The following PINK1 variants were observed in gnomAD, a reference collection of about 807,000 sequenced individuals.
PINK1 encodes serine/threonine-protein kinase PINK1, mitochondrial.
A neutral mutation model predicts 56.0 loss-of-function variants in PINK1; 58 were observed. That is an observed-to-expected ratio of 1.04 (90% confidence interval 0.84 to 1.29). The LOEUF (loss-of-function observed/expected upper bound fraction) is 1.29, where lower values mean the gene tolerates loss of function less well. Ranked by LOEUF, PINK1 falls within the 50% of genes most tolerant of loss-of-function variation. PINK1 has a pLI of 0.00. For synonymous variants in PINK1, 354 were observed against 339.3 expected (o/e 1.04, Z -0.48); for missense variants, 745 against 777.9 (o/e 0.96, Z 0.50).
Position 20,650,643 on chromosome 1 carries a change from G to A in PINK1, c.1698G>A (p.Thr566=), listed in dbSNP as rs777232150. 9.9e-6 allele frequency: 16 copies of A among 1,614,160 alleles called. No individual in the cohort carries two copies. The highest frequency in any genetic ancestry group is 1.7e-5 in the Admixed American group (1 of 60,010). The stretch of plus-strand genomic sequence containing the variant: ...TTCTGGCTAACCTGGAGTGTGAAAC[G>A]CTCTGCCAGGCAGCCCTCCTCCTCT... ...MLFLANLECE[T]LCQAALLLCS... The change falls in exon 8 of 8, where the codon ACG becomes ACA. Residue 566 remains threonine, a synonymous_variant. Coordinates refer to ENST00000321556, the MANE Select transcript of PINK1 (RefSeq NM_032409.3).
chr1:20,650,694 T>G lies in PINK1; in HGVS notation c.*3T>G. On this transcript the variant is annotated 3_prime_UTR_variant, in exon 8 of 8. Transcript: ENST00000321556. The stretch of plus-strand genomic sequence containing the variant: ...GCTCATGGAGGGCAGCCCTGTGATG[T>G]CCCTGCATGGAGCTGGTGAATTACT... 1.2e-6 allele frequency: 2 copies of G among 1,613,252 alleles called. No individual in the cohort carries two copies. Among genetic ancestry groups the G allele is most frequent in the Non-Finnish European group, 1.7e-6 (2 of 1,179,974 alleles).
At chr1:20,634,813 A>G (rs963986835) in intron 1 of PINK1, among the ~76,000 whole-genome samples, 2 of 152,130 alleles carry the variant, frequency 1.3e-5, no homozygotes, top group Admixed American at 6.5e-5. Context: ...AAATTAGCAT[A>G]GCCCCTGCAT....
chr1:20,633,553 C>A lies in PINK1; in HGVS notation c.5C>A (p.Ala2Glu). 2.4e-5 allele frequency: 28 copies of A among 1,175,198 alleles called. No homozygotes were observed. The highest frequency in any genetic ancestry group is 2.8e-5 in the Non-Finnish European group (27 of 951,678). 72.8% of individuals were successfully genotyped at this position (1,175,198 alleles called of 1,614,324 possible). Residue 2 changes from alanine to glutamate, a missense_variant, in exon 1 of 8, where the codon GCG becomes GAG. Ala to Glu is a moderately radical substitution (Grantham distance 107, BLOSUM62 -1). Coordinates refer to ENST00000321556, the MANE Select transcript of PINK1 (RefSeq NM_032409.3). ...GCACCGGGCCGCGGCGCCACCATGG[C>A]GGTGCGACAGGCGCTGGGCCGCGGC... is the stretch of plus-strand genomic sequence containing the variant. M[A>E]VRQALGRGLQ... is the part of the protein sequence containing the mutation.
intron 4 of PINK1, 78 bp downstream of exon 4, chr1:20,644,750 C>A (rs367882094): frequency 6.5e-7 from 1 of 1,547,384 alleles, no homozygotes; most frequent in East Asian, 2.3e-5. Context: ...CCATGTGCAC[C>A]TTGATCAGGG....
chr1:20,648,337 C>A, intron 5 of PINK1, 168 bp from the exon 6 acceptor site: 1 of 935,652 alleles, frequency 1.1e-6, no homozygotes, highest in Non-Finnish European at 1.7e-6. Context: ...CGTGTTCGCA[C>A]AGCAGGCCCT....
Position 20,651,379 on chromosome 1 carries a change from T to TGAGA in PINK1, c.*689_*692dup, listed in dbSNP as rs2053275581. The TGAGA allele has an allele frequency of 6.5e-6, 1 of 153,078 alleles. No homozygotes were observed. The highest frequency in any genetic ancestry group is 6.5e-5 in the Admixed American group (1 of 15,394). 9.5% of individuals were successfully genotyped at this position (153,078 alleles called of 1,614,324 possible). A position where few individuals can be genotyped will look rare whatever the true frequency, so the allele number is the denominator to read the frequency against. On this transcript the variant is annotated 3_prime_UTR_variant, in exon 8 of 8. Transcript: ENST00000321556. ...AAGAATGATTCTTATACTCTGAAGGTGAGAATATTTTGTGGGCAGGTATCA... is the reference window on the plus strand; with the variant it reads ...AAGAATGATTCTTATACTCTGAAGGTGAGAGAGAATATTTTGTGGGCAGGTATCA...
At chr1:20,644,762 G>A (rs531719864) in intron 4 of PINK1, 90 bp downstream of exon 4, 2 of 1,502,518 alleles carry the variant, frequency 1.3e-6, no homozygotes, top group East Asian at 2.3e-5. Context: ...TGATCAGGGG[G>A]TTTTGGAGAA....
intron 3 of PINK1, among the ~76,000 whole-genome samples, chr1:20,643,904 G>T (rs1374547803): frequency 1.3e-5 from 2 of 152,074 alleles, no homozygotes; most frequent in African/African-American, 4.8e-5. Flanking sequence ...TATATACTGT[G>T]TTTTTTCCTA....
Position 20,638,020 on chromosome 1 carries a change from G to C in PINK1, c.566G>C (p.Gly189Ala). Residue 189 changes from glycine (G) to alanine (A), a missense_variant, in exon 2 of 8, where the codon GGG becomes GCG. Physicochemically the swap from Gly to Ala is moderately conservative, Grantham distance 60. Transcript: ENST00000321556. Reference protein sequence around the residue: ...PQNLEVTKSTGLLPGRGPGTS... With the variant: ...PQNLEVTKSTALLPGRGPGTS... ...AACCTGGAGGTGACAAAGAGCACCG[G>C]GTTGCTTCCAGGGAGAGGCCCAGGT... is the stretch of plus-strand genomic sequence containing the variant. The C allele has an allele frequency of 6.2e-7, 1 of 1,614,140 alleles. No individual in the cohort carries two copies.
chr1:20,643,353 G>A (rs566950342), intron 3 of PINK1, among the ~76,000 whole-genome samples: 4 of 152,342 alleles, frequency 2.6e-5, no homozygotes, highest in African/African-American at 4.8e-5. Context: ...GTCGGGGGGC[G>A]CTCCCCACAG....
At chr1:20,635,893 A>G (rs117184978) in intron 1 of PINK1, among the ~76,000 whole-genome samples, 2,670 of 152,192 alleles carry the variant, frequency 0.018, 76 homozygotes, top group African/African-American at 0.05. Context: ...GAAGCCAGGC[A>G]TGGTGACTCA....
intron 1 of PINK1, among the ~76,000 whole-genome samples, chr1:20,636,287 TTA>T (rs966084471): frequency 2.6e-5 from 4 of 150,980 alleles, no homozygotes; most frequent in African/African-American, 9.7e-5. Context: ...ATAGTATATT[TTA>T]TATATATACA....
chr1:20,646,875 C>T (rs12754803), intron 5 of PINK1, among the ~76,000 whole-genome samples: 2,841 of 140,156 alleles, frequency 0.02, 81 homozygotes, highest in African/African-American at 0.056. Context: ...TATTTATTTA[C>T]TTATTTATTT....
intron 4 of PINK1, 88 bp downstream of exon 4, chr1:20,644,760 G>C (rs374057536): frequency 2.0e-6 from 3 of 1,507,952 alleles, no homozygotes; most frequent in Middle Eastern, 2.1e-4. Context: ...CTTGATCAGG[G>C]GGTTTTGGAG....
rs74315358 is a variant in PINK1, at chr1:20,644,549, G to A, written c.836G>A (p.Arg279His). ...CACCCCAACATCATCCGGGTTCTCC[G>A]CGCCTTCACCTCTTCCGTGCCGCTG... The part of the protein sequence containing the change: ...APHPNIIRVL[R>H]AFTSSVPLLP... Residue 279 changes from arginine to histidine, a missense_variant, in exon 4 of 8, where the codon CGC becomes CAC. By Grantham distance (29) the Arg-to-His change is conservative. Transcript: ENST00000321556. The A allele has an allele frequency of 1.1e-4, 175 of 1,614,078 alleles. No homozygotes were observed. The highest frequency in any genetic ancestry group is 1.6e-4 in the Middle Eastern group (1 of 6,084).
intron 7 of PINK1, 147 bp from the exon 8 acceptor site, chr1:20,650,286 TC>T (rs2053249458): frequency 1.0e-5 from 11 of 1,061,984 alleles, no homozygotes; most frequent in African/African-American, 1.6e-5. Flanking sequence ...GCAGTATTTG[TC>T]ACCTGAGTGA....
intron 7 of PINK1, 197 bp downstream of exon 7, chr1:20,649,428 A>T (rs1165608808): frequency 1.6e-6 from 1 of 608,446 alleles, no homozygotes; most frequent in East Asian, 2.8e-5. Context: ...GCATAGTCAG[A>T]ATCCTAGCAG....
chr1:20,643,450 A>G (rs984682209), intron 3 of PINK1, among the ~76,000 whole-genome samples: 1 of 152,224 alleles, frequency 6.6e-6, no homozygotes, highest in Non-Finnish European at 1.5e-5. Flanking sequence ...GGTTTATTAC[A>G]CCCATATTCT....
chr1:20,650,686 C>T lies in PINK1; in HGVS notation c.1741C>T (p.Leu581=), dbSNP rs2053258096. The T allele has an allele frequency of 1.2e-6, 2 of 1,613,378 alleles. No homozygotes were observed. Among genetic ancestry groups the T allele is most frequent in the African/African-American group, 2.7e-5 (2 of 74,936 alleles). ...CCTCCTCTGCTCATGGAGGGCAGCC[C>T]TGTGATGTCCCTGCATGGAGCTGGT... ...ALLLCSWRAA[L] Residue 581 remains leucine, a synonymous_variant, in exon 8 of 8, where the codon CTG becomes TTG. Transcript: ENST00000321556.
Sources: gnomAD v4.1 joint callset for allele counts (sites outside exome capture counted in the v4.1 genomes callset) on GRCh38, gnomAD v4.1.1 for gene constraint, MANE v1.5 for transcripts, NCBI Gene and HGNC (gene_info 2026-07-23, HGNC 2026-07-21) for gene names.